PDE10A: variants seen among roughly 807,000 people sequenced by gnomAD.
PDE10A encodes the protein cAMP and cAMP-inhibited cGMP 3',5'-cyclic phosphodiesterase 10A.
A neutral mutation model predicts 97.7 loss-of-function variants in PDE10A; 39 were observed. That is an observed-to-expected ratio of 0.40 (90% CI 0.31 to 0.52). The LOEUF (loss-of-function observed/expected upper bound fraction) is 0.52. Ranked by LOEUF, PDE10A falls within the 20% of genes least tolerant of loss-of-function variation. The pLI is 0.56. For missense variants in PDE10A, 731 were observed against 1,047.8 expected (o/e 0.70, Z 4.17); for synonymous variants, 371 against 376.8 (o/e 0.98, Z 0.18).
chr6:165,818,327 T>C (rs921012019), intron 1 of PDE10A, among the ~76,000 whole-genome samples: 2 of 152,160 alleles, frequency 1.3e-5, no homozygotes, highest in Non-Finnish European at 2.9e-5. Context: ...CTTAAAACCA[T>C]GTTAAGTGTC....
intron 12 of PDE10A, among the ~76,000 whole-genome samples, chr6:165,415,756 G>A (rs1199029933): frequency 3.9e-5 from 6 of 152,166 alleles, no homozygotes; most frequent in Admixed American, 3.9e-4. Flanking sequence ...GGTCAGTTGA[G>A]AGCTAAGAAA....
At chr6:165,415,721 C>A (rs992274020) in intron 12 of PDE10A, among the ~76,000 whole-genome samples, 1 of 152,096 alleles carries the variant, frequency 6.6e-6, no homozygotes, top group Admixed American at 6.5e-5. Context: ...AACTGAGGCT[C>A]AGAGAGATTA....
intron 3 of PDE10A, among the ~76,000 whole-genome samples, chr6:165,453,156 C>A (rs1777738860): frequency 6.6e-6 from 1 of 152,046 alleles, no homozygotes; most frequent in Non-Finnish European, 1.5e-5. Flanking sequence ...TATCTGGTGG[C>A]AGAAATTTCT....
intron 1 of PDE10A, chr6:165,894,203 G>A (rs1781878794): frequency 2.4e-6 from 1 of 421,708 alleles, no homozygotes; most frequent in Non-Finnish European, 4.8e-6. Context: ...CTTTCCGAAG[G>A]AGAGCCGTCT....
intron 1 of PDE10A, among the ~76,000 whole-genome samples, chr6:165,718,634 G>A (rs899738383): frequency 8.6e-5 from 13 of 151,292 alleles, no homozygotes; most frequent in Admixed American, 1.3e-4. Flanking sequence ...GTATATACCC[G>A]AACCCCCACC....
At chr6:165,383,737 A>G (rs757236517) in intron 17 of PDE10A, among the ~76,000 whole-genome samples, 2 of 152,172 alleles carry the variant, frequency 1.3e-5, no homozygotes, top group Non-Finnish European at 2.9e-5. Flanking sequence ...TAAACTCACA[A>G]ACAGAAAACT....
chr6:165,704,317 G>T (rs976092718), intron 1 of PDE10A, among the ~76,000 whole-genome samples: 1 of 152,132 alleles, frequency 6.6e-6, no homozygotes, highest in South Asian at 2.1e-4. Flanking sequence ...GGAGGAGCAC[G>T]TGGGACACCC....
chr6:165,947,568 A>T (rs1457114459), intron 1 of PDE10A, among the ~76,000 whole-genome samples: 1 of 152,168 alleles, frequency 6.6e-6, no homozygotes, highest in Non-Finnish European at 1.5e-5. Flanking sequence ...AGAGAGGGTA[A>T]ATAATGATTG....
chr6:165,791,498 T>A (rs979166657), intron 1 of PDE10A, among the ~76,000 whole-genome samples: 1 of 151,746 alleles, frequency 6.6e-6, no homozygotes, highest in African/African-American at 2.4e-5. Flanking sequence ...CTGACTTATT[T>A]TAATGTTTAT....
Position 165,695,922 on chromosome 6 carries a change from G to A in PDE10A, c.-614-152354C>T, listed in dbSNP as rs76174288. The stretch of plus-strand genomic sequence containing the variant: ...AATGCAATTTATGCTCCAGGGCACT[G>A]TTGAAAACACCCAGGGCAATCAGCC... On this transcript the variant is annotated intron_variant, in intron 1 of 19. Transcript: ENST00000366882. 6.4e-3 allele frequency among the ~76,000 whole-genome samples: 981 copies of A among 152,296 alleles called. 14 individuals are homozygous for A. The highest frequency in any genetic ancestry group is 0.022 in the African/African-American group (926 of 41,538).
chr6:165,525,557 AT>A (rs1258329032), intron 2 of PDE10A, among the ~76,000 whole-genome samples: 1 of 152,114 alleles, frequency 6.6e-6, no homozygotes, highest in African/African-American at 2.4e-5. Flanking sequence ...TCCCGAAGAT[AT>A]ACCCTTGACC....
chr6:165,602,447 G>A (rs1023818112), intron 1 of PDE10A, among the ~76,000 whole-genome samples: 5 of 152,112 alleles, frequency 3.3e-5, no homozygotes, highest in African/African-American at 1.2e-4. Flanking sequence ...CCTTCCACAT[G>A]TGCAATTTCA....
intron 1 of PDE10A, among the ~76,000 whole-genome samples, chr6:165,786,003 C>A (rs1397134928): frequency 6.6e-6 from 1 of 152,174 alleles, no homozygotes; most frequent in Non-Finnish European, 1.5e-5. Context: ...TAGTGGTCAC[C>A]ATATTCCTCA....
chr6:165,946,560 TAA>T (rs57641771), intron 1 of PDE10A, among the ~76,000 whole-genome samples: 12,265 of 151,798 alleles, frequency 0.081, 701 homozygotes, highest in East Asian at 0.29. Context: ...TAAAAAATGC[TAA>T]GAGTAGAATT....
At chr6:165,398,434 G>A (rs1379605615) in intron 13 of PDE10A, among the ~76,000 whole-genome samples, 1 of 150,388 alleles carries the variant, frequency 6.6e-6, no homozygotes, top group East Asian at 2.0e-4. Flanking sequence ...GTTTCAGTGA[G>A]CAAAGATTGC....
chr6:165,539,870 G>A (rs540667874), intron 2 of PDE10A, among the ~76,000 whole-genome samples: 222 of 152,242 alleles, frequency 1.5e-3, no homozygotes, highest in Non-Finnish European at 2.4e-3. Flanking sequence ...AGGTTGCAGT[G>A]AGCCGAGAGC....
chr6:165,338,259 T>G (rs1781765186), intron 20 of PDE10A, among the ~76,000 whole-genome samples: 1 of 152,246 alleles, frequency 6.6e-6, no homozygotes, highest in South Asian at 2.1e-4. Flanking sequence ...AAATTTTGTA[T>G]AAATCAATTT....
At chr6:165,787,943 T>C (rs1394540795) in intron 1 of PDE10A, among the ~76,000 whole-genome samples, 2 of 152,244 alleles carry the variant, frequency 1.3e-5, no homozygotes, top group Admixed American at 6.5e-5. Flanking sequence ...TTGTTTGCTA[T>C]ATTATAGCAC....
intron 1 of PDE10A, among the ~76,000 whole-genome samples, chr6:165,554,873 G>A (rs1008430814): frequency 1.3e-5 from 2 of 152,162 alleles, no homozygotes; most frequent in African/African-American, 2.4e-5. Context: ...CAACAACATG[G>A]ATGGAACTGG....
Sources: allele counts gnomAD v4.1 joint callset (sites outside exome capture counted in the v4.1 genomes callset), GRCh38; gene constraint gnomAD v4.1.1; transcripts MANE v1.5; gene names NCBI Gene and HGNC (gene_info 2026-07-23, HGNC 2026-07-21).